The following CFAP299 variants were observed in gnomAD, a reference collection of about 807,000 sequenced individuals.
CFAP299 encodes cilia- and flagella-associated protein 299.
Under a neutral mutation model 27.0 loss-of-function variants are expected in CFAP299, and 21 were observed. The ratio of observed to expected loss-of-function variants is 0.78; its 90% CI spans 0.55 to 1.12. The LOEUF (loss-of-function observed/expected upper bound fraction) is 1.12, where lower values mean the gene tolerates loss of function less well. CFAP299 is among the 50% of genes most tolerant of loss of function. The pLI is 0.00. For synonymous variants in CFAP299, 104 were observed against 98.1 expected (o/e 1.06, Z -0.36); for missense variants, 310 against 276.6 (o/e 1.12, Z -0.86).
rs547986358 is a variant in CFAP299, at chr4:80,657,428, T to C, written c.333+74245T>C. Among the ~76,000 whole-genome samples, 3 of 152,312 alleles carry C rather than the reference T, an allele frequency of 2.0e-5. No individual in the cohort carries two copies. The South Asian group carries it at 6.2e-4, about 32-fold the overall frequency. On this transcript the variant is annotated intron_variant, in intron 3 of 5. Transcript: ENST00000358105. ...TATAAGGTGTAAGGAAGGGGTCCAG[T>C]TTCAGTTTTCTGCATATCGCTAGCC...
At chr4:80,871,279 G>A in intron 4 of CFAP299, 3 of 985,322 alleles carry the variant, frequency 3.0e-6, no homozygotes, top group Non-Finnish European at 3.6e-6. Flanking sequence ...CTTCTCTCTT[G>A]CAGTAATGCC....
chr4:80,463,096 G>A (rs1028196834), intron 2 of CFAP299, among the ~76,000 whole-genome samples: 3 of 152,030 alleles, frequency 2.0e-5, no homozygotes, highest in Admixed American at 1.3e-4. Flanking sequence ...AACAGTGATT[G>A]GGGCAGAAGA....
chr4:80,735,181 C>T (rs1172911263), intron 3 of CFAP299, among the ~76,000 whole-genome samples: 1 of 151,902 alleles, frequency 6.6e-6, no homozygotes, highest in African/African-American at 2.4e-5. Flanking sequence ...TGGTTAATTC[C>T]TAAGTATTTA....
chr4:80,903,840 T>C (rs954995709), intron 4 of CFAP299, among the ~76,000 whole-genome samples: 2 of 152,172 alleles, frequency 1.3e-5, no homozygotes, highest in African/African-American at 4.8e-5. Flanking sequence ...CTCAAGAGAC[T>C]TTTATTATTT....
chr4:80,765,067 G>A (rs1168719113), intron 3 of CFAP299, among the ~76,000 whole-genome samples: 16 of 151,958 alleles, frequency 1.1e-4, no homozygotes, highest in Non-Finnish European at 1.5e-4. Context: ...TTCTGCACAC[G>A]TATCCCAGAA....
chr4:80,380,644 G>T (rs1010565459), intron 2 of CFAP299, among the ~76,000 whole-genome samples: 1 of 152,056 alleles, frequency 6.6e-6, no homozygotes, highest in African/African-American at 2.4e-5. Context: ...GGCCAGGCTG[G>T]TCTCAAACTC....
chr4:80,376,413 T>C (rs1364108243), intron 2 of CFAP299, among the ~76,000 whole-genome samples: 1 of 152,240 alleles, frequency 6.6e-6, no homozygotes, highest in African/African-American at 2.4e-5. Context: ...TGTTTTCATA[T>C]ATCTTAAGTA....
At chr4:80,959,029 G>T (rs993032365) in intron 5 of CFAP299, among the ~76,000 whole-genome samples, 2 of 152,134 alleles carry the variant, frequency 1.3e-5, no homozygotes, top group Non-Finnish European at 2.9e-5. Flanking sequence ...GAGCAGTCTG[G>T]TGAGAGTTTA....
chr4:80,653,450 T>C (rs1200046052), intron 3 of CFAP299, among the ~76,000 whole-genome samples: 3 of 152,108 alleles, frequency 2.0e-5, no homozygotes, highest in African/African-American at 4.8e-5. Context: ...TAATGTCATC[T>C]ACTCAAATAT....
intron 3 of CFAP299, among the ~76,000 whole-genome samples, chr4:80,844,250 G>A (rs1731036267): frequency 6.6e-6 from 1 of 151,950 alleles, no homozygotes; most frequent in African/African-American, 2.4e-5. Flanking sequence ...ATGATTTATA[G>A]TCCTTTGGGT....
intron 3 of CFAP299, among the ~76,000 whole-genome samples, chr4:80,782,384 T>G (rs1027286718): frequency 1.3e-4 from 19 of 151,700 alleles, no homozygotes; most frequent in African/African-American, 4.6e-4. Flanking sequence ...TAGTTATTTT[T>G]AAACAACAAA....
intron 3 of CFAP299, among the ~76,000 whole-genome samples, chr4:80,783,938 A>G (rs1228118428): frequency 6.8e-6 from 1 of 146,912 alleles, no homozygotes; most frequent in Non-Finnish European, 1.5e-5. Context: ...TTTACTCTCT[A>G]TCTCTGTATA....
At chr4:80,381,014 T>C (rs956989508) in intron 2 of CFAP299, among the ~76,000 whole-genome samples, 9 of 152,182 alleles carry the variant, frequency 5.9e-5, no homozygotes, top group Non-Finnish European at 8.8e-5. Context: ...ATGACATTTC[T>C]CTCATTTACA....
At chr4:80,540,561 A>G (rs11945984) in intron 2 of CFAP299, among the ~76,000 whole-genome samples, 1 of 152,158 alleles carries the variant, frequency 6.6e-6, no homozygotes, top group South Asian at 2.1e-4. Context: ...ATGATTCTTT[A>G]TAATGAGCCC....
chr4:80,592,068 C>A (rs1736815823), intron 3 of CFAP299, among the ~76,000 whole-genome samples: 2 of 152,090 alleles, frequency 1.3e-5, no homozygotes, highest in East Asian at 1.9e-4. Flanking sequence ...ATTTTATGTA[C>A]CTTTTTCACA....
Position 80,591,131 on chromosome 4 carries a change from TA to T in CFAP299, c.333+7949del, listed in dbSNP as rs751900272. The stretch of plus-strand genomic sequence containing the variant: ...TTTTTTTTTTTTTTTTTTTTTTTTT[TA>T]TTTTTTTTTGAGACGGAGTCTCGCT... On this transcript the variant is annotated intron_variant, in intron 3 of 5. Transcript: ENST00000358105. Among the ~76,000 whole-genome samples the T allele has an allele frequency of 2.5e-3, 339 of 137,086 alleles. 1 individual carries two copies. In the South Asian group the frequency reaches 0.032, roughly 13 times the overall value. 89.9% of individuals were successfully genotyped at this position (137,086 alleles called of 152,430 possible).
rs185882964 is a variant in CFAP299 at position 80,798,432 on chromosome 4, C to T, written c.334-71561C>T. The stretch of plus-strand genomic sequence containing the variant: ...ACCAGAGTTTACAAACTCAGTGCCC[C>T]GAGATTCATCAGTGTCCTCCCACAC... On this transcript the variant is annotated intron_variant, in intron 3 of 5. Transcript: ENST00000358105. Among the ~76,000 whole-genome samples, 585 of 152,222 alleles carry T rather than the reference C, an allele frequency of 3.8e-3. 1 individual carries two copies. Among genetic ancestry groups the T allele is most frequent in the Middle Eastern group, 0.01 (3 of 294 alleles).
chr4:80,664,598 C>T (rs1741045322), intron 3 of CFAP299, among the ~76,000 whole-genome samples: 1 of 152,120 alleles, frequency 6.6e-6, no homozygotes, highest in Non-Finnish European at 1.5e-5. Flanking sequence ...CTCAAGCATC[C>T]CAGGTTGACT....
intron 3 of CFAP299, among the ~76,000 whole-genome samples, chr4:80,745,902 C>G (rs1000767744): frequency 6.6e-6 from 1 of 152,020 alleles, no homozygotes; most frequent in Non-Finnish European, 1.5e-5. Flanking sequence ...GAACATCACC[C>G]AGTTGGGATT....
Sources: allele counts gnomAD v4.1 joint callset (sites outside exome capture counted in the v4.1 genomes callset), GRCh38; gene constraint gnomAD v4.1.1; transcripts MANE v1.5; gene names NCBI Gene and HGNC (gene_info 2026-07-23, HGNC 2026-07-21).